Variants in DIAPH2 observed in about 807,000 individuals in gnomAD.
DIAPH2 encodes the protein protein diaphanous homolog 2.
Under a neutral mutation model 92.7 loss-of-function variants are expected in DIAPH2, and 35 were observed. That is an observed-to-expected ratio of 0.38 (90% CI 0.29 to 0.50). The LOEUF is 0.50. Among genes scored for constraint, DIAPH2 ranks in the 20% least tolerant of loss-of-function variants. The pLI is 0.94. For missense variants in DIAPH2, 701 were observed against 819.5 expected, an observed-to-expected ratio of 0.86 and a Z score of 1.77; for synonymous variants, 301 against 280.4, an observed-to-expected ratio of 1.07 and a Z score of -0.73.
rs778582835 is a variant in DIAPH2, at chrX:97,518,631, A to G, written c.3242-80622A>G. ...CTCAGTAGTGTCTATTTAATCTAGA[A>G]AGCTTCTCAAGCCATGAACTTCTCT... On this transcript the variant is annotated intron_variant, in intron 26 of 26. Transcript: ENST00000324765. Among the ~76,000 whole-genome samples the G allele has an allele frequency of 7.3e-5, 8 of 110,043 alleles. No homozygotes were observed. The South Asian group carries it at 3.1e-3, about 43-fold the overall frequency.
At chrX:97,014,115 A>G (rs2066245144) in intron 17 of DIAPH2, among the ~76,000 whole-genome samples, 1 of 111,928 alleles carries the variant, frequency 8.9e-6, no homozygotes, top group Admixed American at 9.5e-5. Context: ...AAATATAAAT[A>G]TGGAAAGATG....
At chrX:97,353,739 CTAAG>C (rs1602529943) in intron 24 of DIAPH2, among the ~76,000 whole-genome samples, 1 of 107,543 alleles carries the variant, frequency 9.3e-6, no homozygotes, top group Non-Finnish European at 2.0e-5. Flanking sequence ...ATTAAAATAA[CTAAG>C]TGTTAAGATG....
At chrX:96,814,596 G>C (rs2064715723) in intron 4 of DIAPH2, among the ~76,000 whole-genome samples, 1 of 112,078 alleles carries the variant, frequency 8.9e-6, no homozygotes, top group South Asian at 3.8e-4. Context: ...TTCCTTGCAG[G>C]AGAAGAAGCG....
intron 4 of DIAPH2, among the ~76,000 whole-genome samples, chrX:96,760,367 T>C (rs186516212): frequency 9.0e-6 from 1 of 111,423 alleles, no homozygotes; most frequent in East Asian, 2.8e-4. Flanking sequence ...AGTTTGCATT[T>C]AGAGTAGACA....
intron 23 of DIAPH2, among the ~76,000 whole-genome samples, chrX:97,255,034 G>C (rs1051470924): frequency 9.0e-6 from 1 of 111,522 alleles, no homozygotes; most frequent in Non-Finnish European, 1.9e-5. Context: ...ATAAAATTGA[G>C]GCTATAGAGG....
chrX:96,836,392 T>C (rs1365082498), intron 4 of DIAPH2, among the ~76,000 whole-genome samples: 1 of 109,324 alleles, frequency 9.1e-6, no homozygotes, highest in Non-Finnish European at 1.9e-5. Context: ...TTTCTCTTGA[T>C]AAATGACTGT....
chrX:97,218,466 A>G (rs1467142286), intron 22 of DIAPH2, among the ~76,000 whole-genome samples: 1 of 111,908 alleles, frequency 8.9e-6, no homozygotes, highest in Non-Finnish European at 1.9e-5. Flanking sequence ...TGTAATGAAC[A>G]CATATGTAAC....
At chrX:97,596,322 CACAG>C (rs1463293260) in intron 26 of DIAPH2, among the ~76,000 whole-genome samples, 2 of 111,917 alleles carry the variant, frequency 1.8e-5, no homozygotes. Flanking sequence ...AGCATATATA[CACAG>C]ACAGACCCTC....
intron 20 of DIAPH2, among the ~76,000 whole-genome samples, chrX:97,110,995 CA>C (rs1361391824): frequency 1.6e-4 from 16 of 100,758 alleles, no homozygotes; most frequent in Admixed American, 2.1e-4. Context: ...AAAAAACAAA[CA>C]AAAAAAAAAA....
At chrX:97,545,522 G>GAAAA (rs533114886) in intron 26 of DIAPH2, among the ~76,000 whole-genome samples, 20 of 66,999 alleles carry the variant, frequency 3.0e-4, no homozygotes, top group African/African-American at 1.1e-3. Context: ...TAAGTTTGAT[G>GAAAA]AAAAAAAAAA....
At chrX:97,190,111 C>T (rs1254377437) in intron 22 of DIAPH2, among the ~76,000 whole-genome samples, 3 of 112,986 alleles carry the variant, frequency 2.7e-5, no homozygotes, top group Admixed American at 1.9e-4. Flanking sequence ...CTAGGTTTCT[C>T]GTCACTTGCT....
At chrX:97,596,275 G>A (rs1409434181) in intron 26 of DIAPH2, among the ~76,000 whole-genome samples, 1 of 111,613 alleles carries the variant, frequency 9.0e-6, no homozygotes, top group Non-Finnish European at 1.9e-5. Flanking sequence ...CCAATCAAGC[G>A]TGTTTTTCTG....
chrX:97,554,677 G>T (rs2071244780), intron 26 of DIAPH2, among the ~76,000 whole-genome samples: 2 of 111,652 alleles, frequency 1.8e-5, no homozygotes, highest in African/African-American at 6.5e-5. Flanking sequence ...TTGAATCCTG[G>T]CTTTGCAACT....
At chrX:97,340,684 C>G (rs1468845147) in intron 23 of DIAPH2, among the ~76,000 whole-genome samples, 1 of 102,794 alleles carries the variant, frequency 9.7e-6, no homozygotes, top group African/African-American at 3.6e-5. Context: ...GAGATGGAGC[C>G]TCGCTCTGTC....
rs752101731 is a variant in DIAPH2, at chrX:96,939,668, A to ATTTTTTTTTTTTTTTTTTTTTTTTT, written c.1325+300_1325+301insTTTTTTTTTTTTTTTTTTTTTTTTT. ...ATAAGAGTTTGACTCTTTAGGTAAC[A>ATTTTTTTTTTTTTTTTTTTTTTTTT]TTTTTTTTTTTTTTGAGACGGAGTT... is the stretch of plus-strand genomic sequence containing the variant. On this transcript the variant is annotated intron_variant, in intron 12 of 26. Coordinates refer to ENST00000324765, the MANE Select transcript of DIAPH2 (RefSeq NM_006729.5). 6.2e-5 allele frequency among the ~76,000 whole-genome samples: 3 copies of ATTTTTTTTTTTTTTTTTTTTTTTTT among 48,246 alleles called. 1 individual carries two copies. The allele number at this position is 48,246 out of a possible 115,157, so 41.9% of individuals were successfully genotyped here.
intron 3 of DIAPH2, among the ~76,000 whole-genome samples, chrX:96,745,214 A>T (rs1404192672): frequency 9.1e-6 from 1 of 110,265 alleles, no homozygotes; most frequent in South Asian, 3.9e-4. Flanking sequence ...CCATGTTGGT[A>T]AGGCTGATCT....
intron 22 of DIAPH2, among the ~76,000 whole-genome samples, chrX:97,215,508 G>A (rs745850272): frequency 7.6e-4 from 85 of 111,969 alleles, no homozygotes; most frequent in Non-Finnish European, 7.1e-4. Context: ...TAAGTTATTT[G>A]CTCACCATCA....
chrX:96,926,765 A>C (rs772732353), intron 9 of DIAPH2, among the ~76,000 whole-genome samples: 63 of 111,624 alleles, frequency 5.6e-4, no homozygotes, highest in African/African-American at 2.0e-3. Flanking sequence ...AAATCTTATG[A>C]CATCACTGAA....
intron 21 of DIAPH2, 127 bp from the exon 22 acceptor site, chrX:97,141,538 A>G: frequency 1.5e-6 from 1 of 671,127 alleles, no homozygotes. Flanking sequence ...CTACTAGACC[A>G]CATTAAGAAC....
Sources: allele counts gnomAD v4.1 joint callset (sites outside exome capture counted in the v4.1 genomes callset), GRCh38; gene constraint gnomAD v4.1.1; transcripts MANE v1.5; gene names NCBI Gene and HGNC (gene_info 2026-07-23, HGNC 2026-07-21).